NUP50: variants seen among roughly 807,000 people sequenced by gnomAD.
NUP50 encodes the protein nucleoporin 50.
Under a neutral mutation model 36.8 loss-of-function variants are expected in NUP50, and 14 were observed. That is an observed-to-expected ratio of 0.38 (90% CI 0.25 to 0.59). The LOEUF (loss-of-function observed/expected upper bound fraction) is 0.59, where lower values mean the gene tolerates loss of function less well. Among genes scored for constraint, NUP50 ranks in the 20% least tolerant of loss-of-function variants. The pLI, the probability that NUP50 is intolerant of heterozygous loss-of-function variation, is 0.63. For synonymous variants in NUP50, 195 were observed against 210.8 expected, an observed-to-expected ratio of 0.93 and a Z score of 0.65; for missense variants, 455 against 564.6, an observed-to-expected ratio of 0.81 and a Z score of 1.97.
intron 4 of NUP50, 61 bp from the exon 5 acceptor site, chr22:45,178,177 A>AG: frequency 1.3e-6 from 2 of 1,503,780 alleles, no homozygotes; most frequent in Non-Finnish European, 1.8e-6. Flanking sequence ...AGTGGCAAAA[A>AG]AATCTAGATG....
At chr22:45,179,738 T>C (rs2074336205) in intron 5 of NUP50, among the ~76,000 whole-genome samples, 1 of 152,082 alleles carries the variant, frequency 6.6e-6, no homozygotes, top group Non-Finnish European at 1.5e-5. Context: ...TTTTAAAAAT[T>C]AGCCAGGCCA....
rs2074444939 is a variant in NUP50, at chr22:45,184,845, C to T, written c.*190C>T. 1.6e-6 allele frequency: 1 copy of T among 611,558 alleles called. No individual in the cohort carries two copies. The highest frequency in any genetic ancestry group is 3.0e-6 in the Non-Finnish European group (1 of 337,852). The allele number at this position is 611,558 out of a possible 1,614,324, so 37.9% of individuals were successfully genotyped here. A position where few individuals can be genotyped will look rare whatever the true frequency, so the allele number is the denominator to read the frequency against. ...GTGTCAAGAAACTGCACTCTCCCTT[C>T]TTAAGAACTGCCTAAAGTGTAAAAT... is the stretch of plus-strand genomic sequence containing the variant. On this transcript the variant is annotated 3_prime_UTR_variant, in exon 8 of 8. Coordinates refer to ENST00000347635, the MANE Select transcript of NUP50 (RefSeq NM_007172.4).
chr22:45,169,238 C>T (rs928188985), intron 2 of NUP50, among the ~76,000 whole-genome samples: 1 of 152,124 alleles, frequency 6.6e-6, no homozygotes, highest in African/African-American at 2.4e-5. Context: ...AACATGGTGG[C>T]ATGAGCCTAT....
chr22:45,183,965 CAG>C (rs948767643), intron 7 of NUP50: 47 of 209,430 alleles, frequency 2.2e-4, no homozygotes, highest in African/African-American at 1.0e-3. Flanking sequence ...TGGTAGAGAA[CAG>C]GGGGCTGTGT....
chr22:45,177,009 G>A (rs924473148), intron 4 of NUP50, among the ~76,000 whole-genome samples: 4 of 152,012 alleles, frequency 2.6e-5, no homozygotes, highest in African/African-American at 9.7e-5. Context: ...CAAAGTGCTG[G>A]GATTACATCC....
chr22:45,170,905 A>C (rs1013735358), intron 2 of NUP50: 7 of 1,057,874 alleles, frequency 6.6e-6, no homozygotes, highest in Admixed American at 2.5e-5. Context: ...CTATGAGTGT[A>C]GGAGCCCGTT....
intron 6 of NUP50, among the ~76,000 whole-genome samples, chr22:45,182,630 T>TTTTTG (rs1277444529): frequency 7.2e-6 from 1 of 138,044 alleles, no homozygotes; most frequent in African/African-American, 2.8e-5. Context: ...TTTGTTTTTT[T>TTTTTG]TTTTTTTTTT....
chr22:45,179,044 A>T, intron 5 of NUP50, 144 bp downstream of exon 5: 1 of 698,166 alleles, frequency 1.4e-6, no homozygotes, highest in Non-Finnish European at 2.3e-6. Flanking sequence ...AGAGCTAATC[A>T]GCTTCTCTGA....
At chr22:45,172,040 A>G (rs1351554597) in intron 3 of NUP50, 3 of 211,710 alleles carry the variant, frequency 1.4e-5, no homozygotes, top group African/African-American at 2.3e-5. Context: ...AGGCCTTGGT[A>G]GGGGGAGCCC....
chr22:45,181,160 C>A, intron 5 of NUP50, 126 bp from the exon 6 acceptor site: 2 of 152,094 alleles, frequency 1.3e-5, no homozygotes, highest in Non-Finnish European at 2.6e-5. Flanking sequence ...ATTAAGTGTG[C>A]ATTTTAGTCT....
chr22:45,175,024 G>T (rs1053500839), intron 3 of NUP50, among the ~76,000 whole-genome samples: 2 of 150,974 alleles, frequency 1.3e-5, no homozygotes, highest in African/African-American at 4.9e-5. Context: ...CTTAAGATTT[G>T]TGAACTGTCT....
chr22:45,181,207 G>T (rs563041617), intron 5 of NUP50, 79 bp from the exon 6 acceptor site: 11 of 888,104 alleles, frequency 1.2e-5, no homozygotes, highest in South Asian at 1.1e-4. Flanking sequence ...GAGGTTTAGG[G>T]TGTTACGTAA....
chr22:45,181,135 T>TTCCCC (rs2074362976), intron 5 of NUP50, 151 bp from the exon 6 acceptor site: 11 of 109,410 alleles, frequency 1.0e-4, no homozygotes, highest in South Asian at 4.0e-4. Context: ...CCTTCTGGCA[T>TTCCCC]CCCCCCCCCC....
chr22:45,171,757 G>C (rs1246023597), intron 3 of NUP50, 74 bp downstream of exon 3: 1 of 1,128,086 alleles, frequency 8.9e-7, no homozygotes, highest in East Asian at 2.4e-5. Flanking sequence ...CCCTCCGCTG[G>C]GAGCAATGAT....
At chr22:45,172,131 G>T (rs2074205240) in intron 3 of NUP50, 2 of 158,004 alleles carry the variant, frequency 1.3e-5, no homozygotes, top group South Asian at 3.6e-4. Context: ...GTGCTAAGAA[G>T]GATGGAAGAT....
In NUP50 at chr22:45,178,668, G is replaced by T; in HGVS notation, c.771G>T (p.Lys257Asn). The T allele has an allele frequency of 6.2e-7, 1 of 1,611,994 alleles. No individual in the cohort carries two copies. The highest frequency in any genetic ancestry group is 8.5e-7 in the Non-Finnish European group (1 of 1,179,856). Reference sequence around the variant, plus strand: ...AGAAGATGGAGGTGGCATCTGAAAAGAAAACGGACCCATCATCACTAGGAG... The same window carrying T: ...AGAAGATGGAGGTGGCATCTGAAAATAAAACGGACCCATCATCACTAGGAG... ...PDKKMEVASE[K>N]KTDPSSLGAT... is the part of the protein sequence containing the mutation. The change falls in exon 5 of 8, where the codon AAG (lysine) becomes AAT (asparagine). Residue 257 changes from lysine to asparagine, a missense_variant. By Grantham distance (94) the Lys-to-Asn change is moderately conservative. This residue lies in a region of NUP50 where 287 missense variants were observed against 345.5 expected (regional missense o/e 0.83). Coordinates refer to ENST00000347635, the MANE Select transcript of NUP50 (RefSeq NM_007172.4).
chr22:45,185,937 C>A lies in NUP50; in HGVS notation c.*1282C>A, dbSNP rs1252314890. 1.3e-5 allele frequency: 2 copies of A among 152,272 alleles called. No individual in the cohort carries two copies. Among genetic ancestry groups the A allele is most frequent in the Non-Finnish European group, 2.9e-5 (2 of 68,072 alleles). The allele number at this position is 152,272 out of a possible 1,614,324, so 9.4% of individuals were successfully genotyped here. On this transcript the variant is annotated 3_prime_UTR_variant, in exon 8 of 8. Coordinates refer to ENST00000347635, the MANE Select transcript of NUP50 (RefSeq NM_007172.4). Reference sequence around the variant, plus strand: ...CAGGCTCAGGGTCAGTGCCCAAGGGCTCCCGCGTGTGTGTTCTGATCTTCA... The same window carrying A: ...CAGGCTCAGGGTCAGTGCCCAAGGGATCCCGCGTGTGTGTTCTGATCTTCA...
At chr22:45,179,017 C>T (rs2074324279) in intron 5 of NUP50, 117 bp downstream of exon 5, 2 of 947,620 alleles carry the variant, frequency 2.1e-6, no homozygotes, top group South Asian at 1.8e-5. Context: ...TTGTTCTCTC[C>T]ATGTGTGATC....
intron 2 of NUP50, chr22:45,171,276 A>G: frequency 2.6e-6 from 2 of 768,742 alleles, no homozygotes; most frequent in Admixed American, 4.1e-5. Context: ...GGCTCACTGC[A>G]ACCTCCACCT....
Sources: gnomAD v4.1 joint callset for allele counts (sites outside exome capture counted in the v4.1 genomes callset) on GRCh38, gnomAD v4.1.1 for gene constraint, gnomAD v4.1.1 regional missense constraint, MANE v1.5 for transcripts, NCBI Gene and HGNC (gene_info 2026-07-23, HGNC 2026-07-21) for gene names.